RANBP2: variants seen among roughly 807,000 people sequenced by gnomAD.
RANBP2 encodes E3 SUMO-protein ligase RanBP2.
A neutral mutation model predicts 303.6 loss-of-function variants in RANBP2; 57 were observed. The ratio of observed to expected loss-of-function variants is 0.19; its 90% CI spans 0.15 to 0.23. RANBP2 has a LOEUF of 0.23. RANBP2 is among the 10% of genes least tolerant of loss of function. The pLI is 1.00. For missense variants in RANBP2, 3,138 were observed against 3,780.8 expected, an observed-to-expected ratio of 0.83 and a Z score of 4.46; for synonymous variants, 1,167 against 1,301.5, an observed-to-expected ratio of 0.90 and a Z score of 2.23.
At chr2:108,726,370 G>A (rs1436931219) in intron 1 of RANBP2, among the ~76,000 whole-genome samples, 3 of 151,674 alleles carry the variant, frequency 2.0e-5, no homozygotes, top group Non-Finnish European at 2.9e-5. Flanking sequence ...GAGTAGCGAT[G>A]CTGGCAGTTC....
the RANBP2 span, among the ~76,000 whole-genome samples, chr2:109,389,954 C>T: frequency 1.3e-5 from 2 of 152,180 alleles, no homozygotes; most frequent in Admixed American, 6.5e-5. Flanking sequence ...CTCTTGCTCC[C>T]CTTGTTCCTC....
At chr2:109,611,899 C>T in the RANBP2 span, among the ~76,000 whole-genome samples, 1 of 152,178 alleles carries the variant, frequency 6.6e-6, no homozygotes, top group Non-Finnish European at 1.5e-5. Flanking sequence ...CAAAATAATA[C>T]AGCCATTCTG....
At chr2:109,584,710 G>A in the RANBP2 span, among the ~76,000 whole-genome samples, 2 of 151,966 alleles carry the variant, frequency 1.3e-5, no homozygotes, top group African/African-American at 2.4e-5. Flanking sequence ...TAATGTAACT[G>A]GCTAATTTGA....
At chr2:109,282,442 C>T in the RANBP2 span, among the ~76,000 whole-genome samples, 54 of 152,326 alleles carry the variant, frequency 3.5e-4, no homozygotes, top group African/African-American at 1.2e-3. Flanking sequence ...TCTGGTCCTG[C>T]TCCACCACTG....
chr2:109,614,665 T>C, the RANBP2 span: 2 of 1,480,682 alleles, frequency 1.4e-6, no homozygotes, highest in Non-Finnish European at 1.8e-6. Context: ...TTCAAGGAGC[T>C]GGTGAACGCC....
the RANBP2 span, among the ~76,000 whole-genome samples, chr2:109,078,183 G>A: frequency 2.6e-5 from 2 of 78,244 alleles, no homozygotes; most frequent in Admixed American, 1.5e-4. Context: ...TATATATATA[G>A]CATATATATA....
chr2:109,693,377 T>C, the RANBP2 span, among the ~76,000 whole-genome samples: 2 of 152,242 alleles, frequency 1.3e-5, no homozygotes, highest in African/African-American at 4.8e-5. Context: ...TTTCACTGTG[T>C]GGCCAGGCTG....
At chr2:109,123,981 TTTATTTATTTATTTA>T in the RANBP2 span, among the ~76,000 whole-genome samples, 1 of 6,362 alleles carries the variant, frequency 1.6e-4, no homozygotes, top group Non-Finnish European at 5.5e-4. Flanking sequence ...TCTTTTCAGT[TTTATTTATTTATTTA>T]TTTATTTATT....
chr2:109,447,033 C>T, the RANBP2 span, among the ~76,000 whole-genome samples: 1 of 151,728 alleles, frequency 6.6e-6, no homozygotes, highest in Non-Finnish European at 1.5e-5. Context: ...ATTAAATGAC[C>T]CGAGGCCCCT....
the RANBP2 span, among the ~76,000 whole-genome samples, chr2:109,296,390 G>GTTTT: frequency 1.3e-5 from 2 of 148,452 alleles, no homozygotes; most frequent in African/African-American, 5.0e-5. Context: ...ACCACACCCA[G>GTTTT]TTTTTTTTTT....
chr2:109,625,421 G>A, the RANBP2 span, among the ~76,000 whole-genome samples: 4 of 151,620 alleles, frequency 2.6e-5, no homozygotes, highest in Non-Finnish European at 4.4e-5. Context: ...TTGGGAGGCC[G>A]AGGCAGGCGG....
At chr2:109,509,931 A>C in the RANBP2 span, among the ~76,000 whole-genome samples, 1 of 152,202 alleles carries the variant, frequency 6.6e-6, no homozygotes, top group Non-Finnish European at 1.5e-5. Flanking sequence ...GCTACCGGGC[A>C]AATACTATAG....
the RANBP2 span, among the ~76,000 whole-genome samples, chr2:109,084,796 C>T: frequency 6.6e-6 from 1 of 152,142 alleles, no homozygotes; most frequent in Non-Finnish European, 1.5e-5. Context: ...GTGGACGCCA[C>T]TCATATTTTG....
the RANBP2 span, among the ~76,000 whole-genome samples, chr2:109,289,163 C>G: frequency 6.6e-6 from 1 of 152,060 alleles, no homozygotes; most frequent in Non-Finnish European, 1.5e-5. Context: ...CCTCCATCCC[C>G]TGTCTCTCTC....
At chr2:109,186,320 T>G in the RANBP2 span, among the ~76,000 whole-genome samples, 2 of 152,224 alleles carry the variant, frequency 1.3e-5, no homozygotes, top group Non-Finnish European at 2.9e-5. Flanking sequence ...ACTGCCATTA[T>G]CCCCATCCTG....
chr2:109,626,895 T>A, the RANBP2 span, among the ~76,000 whole-genome samples: 3 of 152,212 alleles, frequency 2.0e-5, no homozygotes, highest in Admixed American at 1.3e-4. Flanking sequence ...GCTTTGTGGG[T>A]GTCCATAACG....
chr2:109,029,206 G>A, the RANBP2 span, among the ~76,000 whole-genome samples: 1 of 152,278 alleles, frequency 6.6e-6, no homozygotes, highest in East Asian at 1.9e-4. Flanking sequence ...TAGGACACCT[G>A]GGCCCTTTCC....
chr2:109,699,593 C>T, the RANBP2 span, among the ~76,000 whole-genome samples: 17 of 152,230 alleles, frequency 1.1e-4, no homozygotes, highest in African/African-American at 3.1e-4. Context: ...ATTTATTAAG[C>T]GGAAGCAGAT....
At chr2:109,748,603 T>C in the RANBP2 span, among the ~76,000 whole-genome samples, 2 of 116,444 alleles carry the variant, frequency 1.7e-5, no homozygotes, top group Non-Finnish European at 3.6e-5. Flanking sequence ...CCGGGCGCAG[T>C]GGCTCACGCC....
Sources: allele counts gnomAD v4.1 joint callset (sites outside exome capture counted in the v4.1 genomes callset), GRCh38; gene constraint gnomAD v4.1.1; transcripts MANE v1.5; gene names NCBI Gene and HGNC (gene_info 2026-07-23, HGNC 2026-07-21).